MARCHF1: variants seen among roughly 807,000 people sequenced by gnomAD.
MARCHF1 encodes the protein E3 ubiquitin-protein ligase MARCHF1.
Under a neutral mutation model 54.2 loss-of-function variants are expected in MARCHF1, and 40 were observed. That is an observed-to-expected ratio of 0.74 (90% CI 0.57 to 0.96). The LOEUF is 0.96. Among genes scored for constraint, MARCHF1 ranks in the 40% least tolerant of loss-of-function variants. The pLI is 0.00. For missense variants in MARCHF1, 586 were observed against 656.5 expected (o/e 0.89, Z 1.17); for synonymous variants, 236 against 236.3 (o/e 1.00, Z 0.01).
chr4:163,579,279 C>T (rs1158510024), intron 8 of MARCHF1, among the ~76,000 whole-genome samples: 1 of 152,076 alleles, frequency 6.6e-6, no homozygotes, highest in Non-Finnish European at 1.5e-5. Context: ...ATCAATTGTA[C>T]TTCTAAGAGC....
intron 1 of MARCHF1, among the ~76,000 whole-genome samples, chr4:164,321,168 T>C (rs1362697700): frequency 1.3e-5 from 2 of 152,104 alleles, no homozygotes; most frequent in East Asian, 1.9e-4. Flanking sequence ...AATAAACACA[T>C]GCTGGTGATA....
chr4:163,911,786 A>G (rs36058301), intron 3 of MARCHF1, among the ~76,000 whole-genome samples: 26,142 of 152,166 alleles, frequency 0.17, 2,827 homozygotes, highest in South Asian at 0.32. Flanking sequence ...AAAGCCTTTG[A>G]AAACAGAAGA....
At chr4:164,142,444 A>C (rs975031248) in intron 1 of MARCHF1, among the ~76,000 whole-genome samples, 1 of 152,182 alleles carries the variant, frequency 6.6e-6, no homozygotes, top group Non-Finnish European at 1.5e-5. Flanking sequence ...TGAAGAGAGC[A>C]GTGGTTCTCC....
intron 4 of MARCHF1, among the ~76,000 whole-genome samples, chr4:163,812,681 C>G (rs887753859): frequency 6.6e-6 from 1 of 152,100 alleles, no homozygotes; most frequent in East Asian, 1.9e-4. Context: ...TCACGTGAAC[C>G]TGGGAGGCGG....
chr4:163,530,897 G>A (rs1416995537), intron 9 of MARCHF1, among the ~76,000 whole-genome samples: 1 of 151,790 alleles, frequency 6.6e-6, no homozygotes, highest in African/African-American at 2.4e-5. Flanking sequence ...ATTGGCCAAA[G>A]CTCACACAGG....
At chr4:164,048,148 C>G (rs1196291398) in intron 2 of MARCHF1, among the ~76,000 whole-genome samples, 1 of 152,010 alleles carries the variant, frequency 6.6e-6, no homozygotes, top group Admixed American at 6.6e-5. Flanking sequence ...ATGATATTCC[C>G]TTATCATGTG....
chr4:164,204,816 C>G (rs549884883), intron 1 of MARCHF1, among the ~76,000 whole-genome samples: 1 of 152,280 alleles, frequency 6.6e-6, no homozygotes, highest in Admixed American at 6.5e-5. Context: ...TCAGCTTCAT[C>G]AGAAGGTAAT....
chr4:163,739,017 C>T (rs903300), intron 4 of MARCHF1, among the ~76,000 whole-genome samples: 47,243 of 152,010 alleles, frequency 0.31, 8,930 homozygotes, highest in Non-Finnish European at 0.44. Flanking sequence ...GTCAAGTTCT[C>T]TTCAAAAGTT....
At chr4:163,639,759 A>C (rs904402071) in intron 5 of MARCHF1, among the ~76,000 whole-genome samples, 2 of 152,144 alleles carry the variant, frequency 1.3e-5, no homozygotes, top group African/African-American at 4.8e-5. Context: ...CTACAAATGG[A>C]AAGTTTCAAA....
intron 8 of MARCHF1, among the ~76,000 whole-genome samples, chr4:163,564,998 A>G (rs532189042): frequency 3.8e-4 from 58 of 152,312 alleles, no homozygotes; most frequent in African/African-American, 1.3e-3. Flanking sequence ...ACTCTTAAAA[A>G]GAAGAAAAAT....
At chr4:163,920,448 A>G (rs74683360) in intron 3 of MARCHF1, among the ~76,000 whole-genome samples, 3,694 of 152,266 alleles carry the variant, frequency 0.024, 80 homozygotes, top group African/African-American at 0.06. Context: ...TTTCACCTTC[A>G]ACGACATGTT....
intron 1 of MARCHF1, among the ~76,000 whole-genome samples, chr4:164,176,089 A>G (rs2110992587): frequency 6.6e-6 from 1 of 152,296 alleles, no homozygotes; most frequent in African/African-American, 2.4e-5. Context: ...AAATAAACTC[A>G]ACACCTAAAC....
intron 1 of MARCHF1, among the ~76,000 whole-genome samples, chr4:164,236,137 GAC>G (rs947395023): frequency 1.3e-5 from 2 of 151,978 alleles, no homozygotes; most frequent in African/African-American, 2.4e-5. Flanking sequence ...AACAACAAAA[GAC>G]ACAAATTTTG....
Position 163,748,991 on chromosome 4 carries a change from T to C in MARCHF1, c.112-48128A>G, listed in dbSNP as rs114226903. On this transcript the variant is annotated intron_variant, in intron 4 of 9. Transcript: ENST00000514618. Reference sequence around the variant, plus strand: ...TGTAAGGGTCAAGAGCTACATATGATTGCCTTTTCTAACAGGTGTTGGTAA... The same window carrying C: ...TGTAAGGGTCAAGAGCTACATATGACTGCCTTTTCTAACAGGTGTTGGTAA... Among the ~76,000 whole-genome samples, 1,152 of 152,356 alleles carry C rather than the reference T, an allele frequency of 7.6e-3. 8 individuals carry two copies. Among genetic ancestry groups the C allele is most frequent in the South Asian group, 0.022 (104 of 4,828 alleles).
At chr4:164,380,868 C>A (rs1043383780) in intron 1 of MARCHF1, among the ~76,000 whole-genome samples, 31 of 152,162 alleles carry the variant, frequency 2.0e-4, no homozygotes, top group Non-Finnish European at 3.5e-4. Context: ...CATAAAACAT[C>A]CTTAAGCTAG....
chr4:163,902,136 G>A (rs2111309127), intron 3 of MARCHF1, among the ~76,000 whole-genome samples: 1 of 152,206 alleles, frequency 6.6e-6, no homozygotes, highest in East Asian at 1.9e-4. Context: ...AGAGATACTT[G>A]ACAATATTCT....
At chr4:164,367,300 G>A (rs1257476158) in intron 1 of MARCHF1, among the ~76,000 whole-genome samples, 1 of 152,024 alleles carries the variant, frequency 6.6e-6, no homozygotes, top group Non-Finnish European at 1.5e-5. Flanking sequence ...TACTGAAATT[G>A]TTACTCTAAG....
At chr4:164,046,726 T>C in intron 2 of MARCHF1, among the ~76,000 whole-genome samples, 1 of 152,174 alleles carries the variant, frequency 6.6e-6, no homozygotes, top group East Asian at 1.9e-4. Context: ...CATCACTGCA[T>C]TCTACAAATG....
At chr4:163,941,173 T>C (rs1429930097) in intron 3 of MARCHF1, among the ~76,000 whole-genome samples, 1 of 152,100 alleles carries the variant, frequency 6.6e-6, no homozygotes, top group Non-Finnish European at 1.5e-5. Context: ...TTATCTAAAA[T>C]AGAAATAATA....
Sources: allele counts gnomAD v4.1 joint callset (sites outside exome capture counted in the v4.1 genomes callset), GRCh38; gene constraint gnomAD v4.1.1; transcripts MANE v1.5; gene names NCBI Gene and HGNC (gene_info 2026-07-23, HGNC 2026-07-21).